The following DIP2A variants were observed in gnomAD, a reference collection of about 807,000 sequenced individuals.
DIP2A encodes the protein DIP2 acetate--CoA ligase A.
In DIP2A, 85 loss-of-function variants were observed where a neutral mutation model predicts 177.4. The ratio of observed to expected loss-of-function variants is 0.48; its 90% CI spans 0.40 to 0.57. DIP2A has a LOEUF of 0.57. Ranked by LOEUF, DIP2A falls within the 20% of genes least tolerant of loss-of-function variation. The pLI is 0.00. For synonymous variants in DIP2A, 886 were observed against 881.8 expected (o/e 1.00, Z -0.08); for missense variants, 1,791 against 2,100.2 (o/e 0.85, Z 2.88).
chr21:46,493,010 T>C (rs1456949301), intron 3 of DIP2A, among the ~76,000 whole-genome samples: 1 of 151,544 alleles, frequency 6.6e-6, no homozygotes, highest in Admixed American at 6.6e-5. Flanking sequence ...ATGAGTACAA[T>C]GGTTAGAAGG....
chr21:46,554,612 C>T lies in DIP2A; in HGVS notation c.3192C>T (p.Tyr1064=), dbSNP rs369106438. ...DLIAAFYGCL[Y]CGCVPVTVRP... ...TTGCCGCGTTCTATGGCTGCTTGTA[C>T]TGTGGCTGCGTGCCTGTCACCGTGC... is the stretch of plus-strand genomic sequence containing the variant. Residue 1064 remains tyrosine (Y), a synonymous_variant, in exon 27 of 38, where the codon TAC becomes TAT. Coordinates refer to ENST00000417564, the MANE Select transcript of DIP2A (RefSeq NM_015151.4). The T allele has an allele frequency of 1.2e-6, 2 of 1,610,032 alleles. No homozygotes were observed. Among genetic ancestry groups the T allele is most frequent in the African/African-American group, 1.3e-5 (1 of 74,892 alleles).
chr21:46,546,270 G>A, intron 20 of DIP2A: 1 of 1,156,938 alleles, frequency 8.6e-7, no homozygotes, highest in Non-Finnish European at 1.1e-6. Flanking sequence ...CATTTTGGAT[G>A]TCTAAACTAT....
chr21:46,514,300 G>A (rs2058448517), intron 8 of DIP2A, among the ~76,000 whole-genome samples: 1 of 152,004 alleles, frequency 6.6e-6, no homozygotes, highest in Non-Finnish European at 1.5e-5. Context: ...GCCGGGCGTG[G>A]TGGTGGGCGC....
intron 10 of DIP2A, 82 bp from the exon 11 acceptor site, chr21:46,533,442 G>A (rs1402312201): frequency 5.9e-6 from 9 of 1,517,906 alleles, no homozygotes; most frequent in Admixed American, 2.2e-5. Context: ...TCTGTTCTCT[G>A]TGCATGGCCT....
chr21:46,502,408 A>C (rs1251219873), intron 5 of DIP2A, among the ~76,000 whole-genome samples: 3 of 146,492 alleles, frequency 2.0e-5, no homozygotes, highest in Non-Finnish European at 4.5e-5. Context: ...CTGGGATTAT[A>C]AGTGTGAGCC....
chr21:46,532,091 G>T, intron 9 of DIP2A, 36 bp from the exon 10 acceptor site: 1 of 1,570,088 alleles, frequency 6.4e-7, no homozygotes, highest in Non-Finnish European at 8.6e-7. Flanking sequence ...GTAAAAATTG[G>T]AAATTTGGAA....
At chr21:46,576,244 C>A in the DIP2A span, among the ~76,000 whole-genome samples, 2 of 152,176 alleles carry the variant, frequency 1.3e-5, no homozygotes, top group South Asian at 4.1e-4. Flanking sequence ...GTCCAGCATG[C>A]ATTAGCTATT....
chr21:46,524,796 G>A (rs2058990489), intron 8 of DIP2A, among the ~76,000 whole-genome samples: 1 of 151,090 alleles, frequency 6.6e-6, no homozygotes, highest in African/African-American at 2.4e-5. Flanking sequence ...TTTGTGGCTG[G>A]CTTTCCACTA....
Position 46,537,175 on chromosome 21 carries a change from C to T in DIP2A, c.1643-49C>T. ...GAATTTCTCTAGAAAATGCATAGGG[C>T]TTATTGAGAGGGTTGCTCAGTGGTG... On this transcript the variant is annotated intron_variant, in intron 13 of 37. Transcript: ENST00000417564. This position sits in a 1 kb window ranked among gnomAD's most constrained non-coding sequence, Gnocchi z 4.1. The T allele has an allele frequency of 6.3e-7, 1 of 1,592,954 alleles. No homozygotes were observed. Among genetic ancestry groups the T allele is most frequent in the Non-Finnish European group, 8.6e-7 (1 of 1,160,776 alleles).
At chr21:46,515,884 C>G (rs2058552881) in intron 8 of DIP2A, among the ~76,000 whole-genome samples, 2 of 152,072 alleles carry the variant, frequency 1.3e-5, no homozygotes, top group East Asian at 3.9e-4. Context: ...CATTTTTATT[C>G]TTTCTTTTAC....
intron 8 of DIP2A, among the ~76,000 whole-genome samples, chr21:46,520,448 G>A (rs894495868): frequency 2.6e-5 from 4 of 152,158 alleles, no homozygotes; most frequent in Admixed American, 6.5e-5. Flanking sequence ...ACTCCTGTTC[G>A]ATATTCATGA....
intron 1 of DIP2A, among the ~76,000 whole-genome samples, chr21:46,472,980 G>A (rs895105948): frequency 2.0e-5 from 3 of 152,194 alleles, no homozygotes; most frequent in Non-Finnish European, 2.9e-5. Flanking sequence ...GTAGTGGGAC[G>A]AGGGAACTGA....
rs1569094704 is a variant in DIP2A, at chr21:46,550,756, C to G, written c.2839+12C>G. On this transcript the variant is annotated intron_variant, in intron 23 of 37. Transcript: ENST00000417564. ...TCAGAAACAACCAGGTTAGTTGAAC[C>G]TAACAACAGGATGCTCTCTAGTCTA... 3.7e-6 allele frequency: 6 copies of G among 1,613,458 alleles called. No homozygotes were observed. Among genetic ancestry groups the G allele is most frequent in the Non-Finnish European group, 4.2e-6 (5 of 1,179,594 alleles).
rs1601429446 is a variant in DIP2A at position 46,482,819 on chromosome 21, G to A, written c.92-1938G>A. Among the ~76,000 whole-genome samples the A allele has an allele frequency of 2.0e-5, 3 of 152,332 alleles. No individual in the cohort carries two copies. In the South Asian group the frequency reaches 6.2e-4, roughly 32 times the overall value. On this transcript the variant is annotated intron_variant, in intron 1 of 37. Coordinates refer to ENST00000417564, the MANE Select transcript of DIP2A (RefSeq NM_015151.4). ...TCCTAAGTGAGATTCTTCTGCAGCA[G>A]TGGAGTTCAGCCAGAGCCATATTCC...
At chr21:46,538,867 A>G (rs938053819) in intron 16 of DIP2A, 2 of 423,326 alleles carry the variant, frequency 4.7e-6, no homozygotes, top group South Asian at 2.6e-5. Context: ...TTCTTAAGAA[A>G]TTACCAGATT....
Position 46,532,182 on chromosome 21 carries a change from G to C in DIP2A, c.1250G>C (p.Gly417Ala), listed in dbSNP as rs371957013. The C allele has an allele frequency of 5.6e-6, 9 of 1,613,664 alleles. No individual in the cohort carries two copies. The African/African-American group carries it at 1.2e-4, about 22-fold the overall frequency. Residue 417 changes from glycine to alanine, a missense_variant, in exon 10 of 38, where the codon GGG becomes GCG. Physicochemically the swap from Gly to Ala is moderately conservative, Grantham distance 60. Transcript: ENST00000417564. ...DPVMFMVAFYGCLLAELVPVP... is the reference protein window; with the variant it reads ...DPVMFMVAFYACLLAELVPVP... ...GTGATGTTCATGGTTGCATTTTATG[G>C]GTGTCTCCTGGCAGAGCTGGTTCCT... is the stretch of plus-strand genomic sequence containing the variant.
At chr21:46,466,102 G>A (rs539652977) in intron 1 of DIP2A, among the ~76,000 whole-genome samples, 7 of 152,160 alleles carry the variant, frequency 4.6e-5, no homozygotes, top group African/African-American at 1.7e-4. Flanking sequence ...AATAGTTAAC[G>A]ACTTCTTTGA....
At position 46,565,745 on chromosome 21, in the gene DIP2A, GTAC is replaced by G. The variant is rs759714859; in HGVS notation, c.4201_4203del (p.Tyr1401del). 1 of 1,613,940 alleles carries G rather than the reference GTAC, an allele frequency of 6.2e-7. No individual in the cohort carries two copies. Among genetic ancestry groups the G allele is most frequent in the South Asian group, 1.1e-5 (1 of 91,074 alleles). On this transcript the variant is annotated inframe_deletion, in exon 36 of 38. Coordinates refer to ENST00000417564, the MANE Select transcript of DIP2A (RefSeq NM_015151.4). ...TAAGCAGCCCCCACAATGCCACCGG[GTAC>G]TACACCGTTTACGGGGAGGAGGCGC...
In DIP2A at chr21:46,509,791, TAA is replaced by T. The variant is rs533739463; in HGVS notation, c.904+418_904+419del. 1.6e-3 allele frequency among the ~76,000 whole-genome samples: 243 copies of T among 152,234 alleles called. 2 individuals carry two copies. Among genetic ancestry groups the T allele is most frequent in the African/African-American group, 5.6e-3 (234 of 41,542 alleles). On this transcript the variant is annotated intron_variant, in intron 7 of 37. Transcript: ENST00000417564. ...TTAGGAAGAATACACACATATTTTTTAAAAGAGAAAACTAGCAAGCAGAAACC... is the reference window on the plus strand; with the variant it reads ...TTAGGAAGAATACACACATATTTTTTAAGAGAAAACTAGCAAGCAGAAACC...
Sources: gnomAD v4.1 joint callset for allele counts (sites outside exome capture counted in the v4.1 genomes callset) on GRCh38, gnomAD v4.1.1 for gene constraint, Gnocchi (gnomAD v3.1) non-coding constraint, MANE v1.5 for transcripts, NCBI Gene and HGNC (gene_info 2026-07-23, HGNC 2026-07-21) for gene names.